The following ZFP82 variants were observed in gnomAD, a reference collection of about 807,000 sequenced individuals.
The protein encoded by ZFP82 is ZFP82 zinc finger protein, also known as zinc finger protein 82 homolog.
Under a neutral mutation model 54.0 loss-of-function variants are expected in ZFP82, and 30 were observed. The ratio of observed to expected loss-of-function variants is 0.56; its 90% confidence interval spans 0.42 to 0.75. The LOEUF (loss-of-function observed/expected upper bound fraction) is 0.75. Among genes scored for constraint, ZFP82 ranks in the 30% least tolerant of loss-of-function variants. ZFP82 has a pLI of 0.00. For missense variants in ZFP82, 500 were observed against 636.8 expected (o/e 0.79, Z 2.31); for synonymous variants, 194 against 209.5 (o/e 0.93, Z 0.64).
In ZFP82 at chr19:36,393,785, A is replaced by C; in HGVS notation, c.555T>G (p.Leu185=). Residue 185 remains leucine (L), a synonymous_variant, in exon 5 of 5, where the codon CTT becomes CTG. Transcript: ENST00000392161. ...CAGTATGAATTCTGTGATGAAAAGT[A>C]AGCTGTTGGCGCACTCTGAACGCCT... The part of the protein sequence containing the change: ...CGKAFRVRQQ[L]TFHHRIHTGE... The C allele has an allele frequency of 6.2e-7, 1 of 1,613,922 alleles. No individual in the cohort carries two copies. Among genetic ancestry groups the C allele is most frequent in the Non-Finnish European group, 8.5e-7 (1 of 1,179,968 alleles).
intron 3 of ZFP82, among the ~76,000 whole-genome samples, chr19:36,407,364 C>A (rs1036586209): frequency 6.6e-5 from 10 of 152,122 alleles, no homozygotes; most frequent in African/African-American, 2.4e-4. Flanking sequence ...GCGTGAGCCA[C>A]CGCGCCCGGC....
chr19:36,407,776 A>C (rs1355942154), intron 3 of ZFP82, 111 bp downstream of exon 3: 2 of 1,223,878 alleles, frequency 1.6e-6, no homozygotes, highest in African/African-American at 3.0e-5. Flanking sequence ...TCCCTTTAGA[A>C]AGTGGAGCAA....
chr19:36,405,551 T>C, intron 4 of ZFP82, 29 bp downstream of exon 4: 1 of 1,549,906 alleles, frequency 6.5e-7, no homozygotes, highest in Non-Finnish European at 8.9e-7. Context: ...CCTGTGTTGA[T>C]GGCTTCTTCC....
intron 1 of ZFP82, among the ~76,000 whole-genome samples, chr19:36,412,095 A>AGAGAGAGT (rs140396966): frequency 8.9e-4 from 134 of 151,038 alleles, no homozygotes; most frequent in Admixed American, 1.8e-3. Flanking sequence ...AGAGAGAGAG[A>AGAGAGAGT]GTGTGCGTGT....
At chr19:36,409,253 C>A (rs2032536710) in intron 2 of ZFP82, among the ~76,000 whole-genome samples, 1 of 152,064 alleles carries the variant, frequency 6.6e-6, no homozygotes, top group Non-Finnish European at 1.5e-5. Context: ...AACAGCAACT[C>A]TTACCTTTTT....
chr19:36,385,095 G>A (rs1600092810), downstream of ZFP82, among the ~76,000 whole-genome samples: 1 of 110,348 alleles, frequency 9.1e-6, no homozygotes, highest in Non-Finnish European at 2.3e-5. Context: ...ATTAAGAGGT[G>A]GGACTGTTAA....
At chr19:36,401,609 C>A (rs958920104) in intron 4 of ZFP82, among the ~76,000 whole-genome samples, 1 of 152,248 alleles carries the variant, frequency 6.6e-6, no homozygotes, top group African/African-American at 2.4e-5. Flanking sequence ...CTGTCTAACT[C>A]AACAACTGAA....
intron 1 of ZFP82, among the ~76,000 whole-genome samples, chr19:36,413,272 G>A (rs1040381605): frequency 2.6e-5 from 4 of 152,106 alleles, no homozygotes; most frequent in Admixed American, 6.6e-5. Context: ...TAAGCTGGGC[G>A]TGGTGGCAGA....
chr19:36,403,541 C>T (rs1234921783), intron 4 of ZFP82, among the ~76,000 whole-genome samples: 2 of 148,690 alleles, frequency 1.3e-5, no homozygotes, highest in Non-Finnish European at 3.0e-5. Flanking sequence ...ACTGCTTAAA[C>T]CTGGAGGGGC....
At chr19:36,398,198 A>G (rs906699487) in intron 4 of ZFP82, among the ~76,000 whole-genome samples, 11 of 152,210 alleles carry the variant, frequency 7.2e-5, no homozygotes, top group Admixed American at 2.6e-4. Context: ...AAAATTCTAA[A>G]TATCTAATAA....
chr19:36,416,930 G>A (rs946689393), intron 1 of ZFP82, among the ~76,000 whole-genome samples: 1 of 123,416 alleles, frequency 8.1e-6, no homozygotes, highest in Non-Finnish European at 1.9e-5. Context: ...AAAATTAGCT[G>A]GGTGTGGTGG....
chr19:36,400,023 T>C (rs944191154), intron 4 of ZFP82, among the ~76,000 whole-genome samples: 1 of 152,210 alleles, frequency 6.6e-6, no homozygotes, highest in Non-Finnish European at 1.5e-5. Flanking sequence ...CATTTGAATG[T>C]TCTAAGTTAA....
rs2032211201 is a variant in ZFP82 at position 36,392,216 on chromosome 19, T to C, written c.*525A>G. 1 of 152,896 alleles carries C rather than the reference T, an allele frequency of 6.5e-6. No homozygotes were observed. The highest frequency in any genetic ancestry group is 1.5e-5 in the Non-Finnish European group (1 of 68,278). 9.5% of individuals were successfully genotyped at this position (152,896 alleles called of 1,614,324 possible). A position where few individuals can be genotyped will look rare whatever the true frequency, so the allele number is the denominator to read the frequency against. ...TACGTAGTTTCAGGGCCTCTTCATG[T>C]GGTCTCTTCAGCAAAGTAGCCAGAC... On this transcript the variant is annotated 3_prime_UTR_variant, in exon 5 of 5. Coordinates refer to ENST00000392161, the MANE Select transcript of ZFP82 (RefSeq NM_133466.4).
At chr19:36,399,751 T>C (rs1251794534) in intron 4 of ZFP82, among the ~76,000 whole-genome samples, 2 of 152,138 alleles carry the variant, frequency 1.3e-5, no homozygotes, top group African/African-American at 4.8e-5. Context: ...GGAAAACTGG[T>C]GATAAATACA....
chr19:36,402,288 A>G (rs990524080), intron 4 of ZFP82, among the ~76,000 whole-genome samples: 16 of 151,670 alleles, frequency 1.1e-4, no homozygotes, highest in African/African-American at 3.1e-4. Context: ...CTAACACGGT[A>G]AAACCCCATC....
At chr19:36,416,089 T>C (rs964453462) in intron 1 of ZFP82, among the ~76,000 whole-genome samples, 1 of 152,260 alleles carries the variant, frequency 6.6e-6, no homozygotes, top group African/African-American at 2.4e-5. Context: ...TTAAAGGTTT[T>C]GTGAGTCATC....
At chr19:36,396,434 T>G (rs1292280683) in intron 4 of ZFP82, among the ~76,000 whole-genome samples, 1 of 151,356 alleles carries the variant, frequency 6.6e-6, no homozygotes, top group Non-Finnish European at 1.5e-5. Flanking sequence ...GATCACGAGG[T>G]CAGGAGATCG....
chr19:36,414,116 A>G (rs1347471701), intron 1 of ZFP82, among the ~76,000 whole-genome samples: 16 of 151,914 alleles, frequency 1.1e-4, no homozygotes, highest in East Asian at 7.8e-4. Flanking sequence ...TAGCCAACAT[A>G]GTCTCGATCT....
At chr19:36,397,787 C>T (rs529951740) in intron 4 of ZFP82, among the ~76,000 whole-genome samples, 1 of 152,138 alleles carries the variant, frequency 6.6e-6, no homozygotes, top group African/African-American at 2.4e-5. Flanking sequence ...GGGATTTCAC[C>T]ATCTTGGCCA....
Sources: allele counts gnomAD v4.1 joint callset (sites outside exome capture counted in the v4.1 genomes callset), GRCh38; gene constraint gnomAD v4.1.1; transcripts MANE v1.5; gene names NCBI Gene and HGNC (gene_info 2026-07-23, HGNC 2026-07-21).